The following CNKSR3 variants were observed in gnomAD, a reference collection of about 807,000 sequenced individuals.
CNKSR3 encodes CNKSR family member 3.
In CNKSR3, 36 loss-of-function variants were observed where a neutral mutation model predicts 67.7. That is an observed-to-expected ratio of 0.53 (90% confidence interval 0.41 to 0.70). CNKSR3 has a LOEUF of 0.70. CNKSR3 is among the 30% of genes least tolerant of loss of function. CNKSR3 has a pLI of 0.00. For synonymous variants in CNKSR3, 281 were observed against 271.4 expected, an observed-to-expected ratio of 1.04 and a Z score of -0.35; for missense variants, 630 against 695.2, an observed-to-expected ratio of 0.91 and a Z score of 1.05.
intron 4 of CNKSR3, among the ~76,000 whole-genome samples, chr6:154,440,562 A>G (rs1473583550): frequency 6.6e-6 from 1 of 152,236 alleles, no homozygotes. Flanking sequence ...TGGCTAATAT[A>G]AAACTTCCTG....
chr6:154,486,617 C>G (rs1041145819), intron 1 of CNKSR3, among the ~76,000 whole-genome samples: 1 of 149,124 alleles, frequency 6.7e-6, no homozygotes, highest in Admixed American at 6.6e-5. Context: ...CTCAGCCTCC[C>G]AAGTAGCTGG....
intron 1 of CNKSR3, among the ~76,000 whole-genome samples, chr6:154,468,593 G>C (rs569724986): frequency 1.3e-5 from 2 of 151,890 alleles, no homozygotes; most frequent in Admixed American, 6.6e-5. Flanking sequence ...CATCTGCACC[G>C]TAGAATTAGG....
chr6:154,410,732 T>C (rs928499040), intron 11 of CNKSR3, among the ~76,000 whole-genome samples: 4 of 152,136 alleles, frequency 2.6e-5, no homozygotes, highest in Non-Finnish European at 5.9e-5. Flanking sequence ...TGGGCTTTCA[T>C]GCCAGGCAGA....
chr6:154,425,573 C>T (rs1010123686), intron 7 of CNKSR3, among the ~76,000 whole-genome samples: 12 of 152,128 alleles, frequency 7.9e-5, no homozygotes, highest in African/African-American at 2.9e-4. Context: ...TAACTCCCAC[C>T]GGATCTCAGG....
intron 1 of CNKSR3, among the ~76,000 whole-genome samples, chr6:154,454,263 G>T (rs1444341434): frequency 6.6e-6 from 1 of 152,022 alleles, no homozygotes. Flanking sequence ...ACATAGAACT[G>T]TAATGAAAAT....
chr6:154,482,583 T>A (rs1319529216), intron 1 of CNKSR3, among the ~76,000 whole-genome samples: 1 of 152,166 alleles, frequency 6.6e-6, no homozygotes, highest in East Asian at 1.9e-4. Context: ...AAGGAACAGA[T>A]TCAAACTGTG....
At chr6:154,415,097 C>CAAAAAAAA (rs1157415390) in intron 9 of CNKSR3, among the ~76,000 whole-genome samples, 4 of 33,234 alleles carry the variant, frequency 1.2e-4, no homozygotes, top group African/African-American at 3.1e-4. Context: ...GACTCTGTCT[C>CAAAAAAAA]AAAAAAAAAA....
chr6:154,407,074 T>C (rs1784811688), intron 12 of CNKSR3, among the ~76,000 whole-genome samples: 11 of 152,108 alleles, frequency 7.2e-5, no homozygotes, highest in Admixed American at 7.2e-4. Flanking sequence ...CTCTCCTCCC[T>C]GGATTGGCCA....
At chr6:154,415,228 A>ATTTTTTGTTTTTTTTTTTTTTTTTT (rs1784998753) in intron 9 of CNKSR3, among the ~76,000 whole-genome samples, 1 of 118,106 alleles carries the variant, frequency 8.5e-6, no homozygotes, top group Non-Finnish European at 1.7e-5. Flanking sequence ...CTAGCTGCCC[A>ATTTTTTGTTTTTTTTTTTTTTTTTT]TTTTTTTTTT....
rs74926035 is a variant in CNKSR3, at chr6:154,499,841, A to T, written c.52+10222T>A. On this transcript the variant is annotated intron_variant, in intron 1 of 12. Transcript: ENST00000607772. ...CTCCAGGAAGGGTTTTTCTTTAATC[A>T]GCTTTATGTAAAATTCTTCAAATTG... Among the ~76,000 whole-genome samples the T allele has an allele frequency of 4.6e-3, 695 of 150,676 alleles. 4 individuals carry two copies. The highest frequency in any genetic ancestry group is 6.3e-3 in the Non-Finnish European group (429 of 67,878).
chr6:154,439,790 G>A lies in CNKSR3; in HGVS notation c.507+1502C>T, dbSNP rs1459665441. Among the ~76,000 whole-genome samples the A allele has an allele frequency of 2.0e-5, 3 of 152,162 alleles. 1 individual carries two copies. The highest frequency in any genetic ancestry group is 2.0e-4 in the Admixed American group (3 of 15,276). On this transcript the variant is annotated intron_variant, in intron 4 of 12. Transcript: ENST00000607772. ...ACCTGCAGTCCCAGCTATCCAGGAG[G>A]CTAAAGTGGAAGGATTGCTTGAGCA...
chr6:154,459,113 GAA>G (rs1384610666), intron 1 of CNKSR3, among the ~76,000 whole-genome samples: 1 of 149,308 alleles, frequency 6.7e-6, no homozygotes, highest in Non-Finnish European at 1.5e-5. Flanking sequence ...GAGAAAGAAA[GAA>G]AGAGAAGAAA....
At chr6:154,465,185 T>C (rs77067672) in intron 1 of CNKSR3, among the ~76,000 whole-genome samples, 1,851 of 147,056 alleles carry the variant, frequency 0.013, 31 homozygotes, top group South Asian at 0.039. Flanking sequence ...GTTTGGTGAA[T>C]GAATACAAGA....
intron 1 of CNKSR3, among the ~76,000 whole-genome samples, chr6:154,490,208 G>A (rs560604010): frequency 6.6e-6 from 1 of 152,232 alleles, no homozygotes; most frequent in South Asian, 2.1e-4. Context: ...TTTGCACAGA[G>A]CCTTTCAGTG....
chr6:154,427,708 T>C (rs1785283553), intron 7 of CNKSR3, among the ~76,000 whole-genome samples: 2 of 152,126 alleles, frequency 1.3e-5, no homozygotes. Context: ...AAATATGTTG[T>C]AAAAAATCCT....
In CNKSR3 at chr6:154,500,617, T is replaced by G. The variant is rs540724200; in HGVS notation, c.52+9446A>C. ...TATTATGTGTTTAAAACTGCCCAGC[T>G]CTTGTTGAAAATTTCTCAAAATGCC... On this transcript the variant is annotated intron_variant, in intron 1 of 12. Transcript: ENST00000607772. Among the ~76,000 whole-genome samples, 22 of 152,286 alleles carry G rather than the reference T, an allele frequency of 1.4e-4. 1 individual carries two copies. The South Asian group carries it at 4.4e-3, about 30-fold the overall frequency.
At chr6:154,435,013 T>TTC (rs35102917) in intron 4 of CNKSR3, among the ~76,000 whole-genome samples, 1 of 151,098 alleles carries the variant, frequency 6.6e-6, no homozygotes, top group Admixed American at 6.6e-5. Context: ...TTTTTTTTTT[T>TTC]AGACAAGGTC....
Position 154,442,156 on chromosome 6 carries a change from GGGGGCCTTGC to G in CNKSR3, c.341_350del (p.Arg114ProfsTer5). The G allele has an allele frequency of 6.2e-7, 1 of 1,614,198 alleles. No individual in the cohort carries two copies. Among genetic ancestry groups the G allele is most frequent in the South Asian group, 1.1e-5 (1 of 91,080 alleles). ...CCACCACCGAGGTCAGGAACTCATT[GGGGGCCTTGC>G]GGGAGGTGTTGCCATCGTAAGCGGG... On this transcript the variant is annotated frameshift_variant, in exon 3 of 13. Coordinates refer to ENST00000607772, the MANE Select transcript of CNKSR3 (RefSeq NM_173515.4). LOFTEE classifies it high-confidence loss of function.
At chr6:154,504,478 C>T (rs1787058563) in intron 1 of CNKSR3, among the ~76,000 whole-genome samples, 1 of 152,212 alleles carries the variant, frequency 6.6e-6, no homozygotes, top group Non-Finnish European at 1.5e-5. Context: ...TAAGATCACA[C>T]AGTCAAAAGC....
Sources: allele counts gnomAD v4.1 joint callset (sites outside exome capture counted in the v4.1 genomes callset), GRCh38; gene constraint gnomAD v4.1.1; transcripts MANE v1.5; gene names NCBI Gene and HGNC (gene_info 2026-07-23, HGNC 2026-07-21).